CDC42SE2: variants seen among roughly 807,000 people sequenced by gnomAD.
CDC42SE2 encodes CDC42 small effector 2.
CDC42SE2 carries 3 observed loss-of-function variants against 11.5 expected under a neutral mutation model. That is an observed-to-expected ratio of 0.26 (90% CI 0.12 to 0.67). CDC42SE2 has a LOEUF of 0.67. Ranked by LOEUF, CDC42SE2 falls within the 30% of genes least tolerant of loss-of-function variation. CDC42SE2 has a pLI of 0.80. For missense variants in CDC42SE2, 82 were observed against 106.8 expected (o/e 0.77, Z 1.02); for synonymous variants, 33 against 34.8 (o/e 0.95, Z 0.18).
chr5:131,318,336 T>A (rs1184772749), intron 2 of CDC42SE2, among the ~76,000 whole-genome samples: 3 of 152,162 alleles, frequency 2.0e-5, no homozygotes, highest in Admixed American at 6.5e-5. Flanking sequence ...TACAGGAAAT[T>A]TAAATCATTA....
At chr5:131,337,174 T>G (rs1758589129) in intron 2 of CDC42SE2, among the ~76,000 whole-genome samples, 1 of 152,220 alleles carries the variant, frequency 6.6e-6, no homozygotes, top group South Asian at 2.1e-4. Context: ...GTTTGTTAGT[T>G]TTCCTTCTAA....
intron 2 of CDC42SE2, among the ~76,000 whole-genome samples, chr5:131,336,844 G>C (rs1758576541): frequency 6.6e-6 from 1 of 152,126 alleles, no homozygotes; most frequent in East Asian, 1.9e-4. Context: ...CGACTTCTCT[G>C]AGTTGATTAT....
At chr5:131,210,191 T>C in the CDC42SE2 span, among the ~76,000 whole-genome samples, 1 of 152,216 alleles carries the variant, frequency 6.6e-6, no homozygotes, top group Non-Finnish European at 1.5e-5. Flanking sequence ...CTTTTCTTTA[T>C]GAATTACCCA....
intron 3 of CDC42SE2, among the ~76,000 whole-genome samples, chr5:131,378,348 C>A (rs1256641963): frequency 6.6e-6 from 1 of 151,772 alleles, no homozygotes; most frequent in Non-Finnish European, 1.5e-5. Flanking sequence ...CCTTTTTTTC[C>A]ATACTGTGAA....
At chr5:131,346,198 A>G (rs1018887011) in intron 2 of CDC42SE2, among the ~76,000 whole-genome samples, 6 of 149,320 alleles carry the variant, frequency 4.0e-5, no homozygotes, top group African/African-American at 1.3e-4. Context: ...ATTAAAAGAC[A>G]CAGACTGGCA....
chr5:131,216,000 G>A, the CDC42SE2 span, among the ~76,000 whole-genome samples: 6 of 152,208 alleles, frequency 3.9e-5, no homozygotes, highest in East Asian at 7.7e-4. Flanking sequence ...TTATAAATTC[G>A]CTTTTCTGTT....
chr5:131,279,026 G>A lies in CDC42SE2; in HGVS notation c.-455+14860G>A, dbSNP rs146187290. On this transcript the variant is annotated intron_variant, in intron 1 of 4. Transcript: ENST00000505065. ...TCTTGAACTCCCAACCTCAAGTGATGCGCATGCCTCGATCTCCCAAAGCTC... is the reference window on the plus strand; with the variant it reads ...TCTTGAACTCCCAACCTCAAGTGATACGCATGCCTCGATCTCCCAAAGCTC... Among the ~76,000 whole-genome samples the A allele has an allele frequency of 2.1e-3, 321 of 151,514 alleles. 2 individuals are homozygous for A. The highest frequency in any genetic ancestry group is 6.2e-3 in the African/African-American group (255 of 41,300).
At chr5:131,273,665 A>G (rs1757040850) in intron 1 of CDC42SE2, among the ~76,000 whole-genome samples, 1 of 150,366 alleles carries the variant, frequency 6.7e-6, no homozygotes, top group South Asian at 2.1e-4. Context: ...CCCAGCGACT[A>G]GGGAGGCTGA....
At chr5:131,361,378 A>G (rs1458419516) in intron 3 of CDC42SE2, among the ~76,000 whole-genome samples, 2 of 152,070 alleles carry the variant, frequency 1.3e-5, no homozygotes, top group African/African-American at 4.8e-5. Flanking sequence ...TGAAACGGGA[A>G]AAGTTCCCTT....
intron 1 of CDC42SE2, among the ~76,000 whole-genome samples, chr5:131,314,455 G>A (rs763328065): frequency 3.7e-4 from 56 of 151,868 alleles, no homozygotes; most frequent in Admixed American, 6.6e-5. Context: ...TTCCCAGGCT[G>A]GTCTTAAAAT....
chr5:131,332,180 A>G (rs1297360269), intron 2 of CDC42SE2, among the ~76,000 whole-genome samples: 1 of 151,592 alleles, frequency 6.6e-6, no homozygotes, highest in Non-Finnish European at 1.5e-5. Flanking sequence ...ATGTGTTCTC[A>G]TTGTTCAATT....
intron 2 of CDC42SE2, among the ~76,000 whole-genome samples, chr5:131,316,988 T>C (rs981894660): frequency 1.3e-5 from 2 of 152,266 alleles, no homozygotes; most frequent in Non-Finnish European, 2.9e-5. Context: ...GGGGTATGTT[T>C]ATATTCCTAT....
At chr5:131,236,422 C>CTTA in the CDC42SE2 span, among the ~76,000 whole-genome samples, 1 of 151,732 alleles carries the variant, frequency 6.6e-6, no homozygotes, top group African/African-American at 2.4e-5. Flanking sequence ...GTTAAGTTTA[C>CTTA]TTATTATTAT....
chr5:131,244,479 G>A (rs998649415), upstream of CDC42SE2, among the ~76,000 whole-genome samples: 1 of 152,210 alleles, frequency 6.6e-6, no homozygotes, highest in Non-Finnish European at 1.5e-5. Context: ...GGGAAGCCAA[G>A]GTAGGTGGAT....
the CDC42SE2 span, among the ~76,000 whole-genome samples, chr5:131,238,799 A>C: frequency 6.6e-6 from 1 of 151,924 alleles, no homozygotes; most frequent in Admixed American, 6.6e-5. Context: ...TCAAAATCAA[A>C]ATTGTCTGTT....
intron 1 of CDC42SE2, among the ~76,000 whole-genome samples, chr5:131,291,258 T>C (rs1018965717): frequency 2.6e-5 from 4 of 152,172 alleles, no homozygotes; most frequent in African/African-American, 4.8e-5. Context: ...AAAGGACTTA[T>C]TCAGAATGGT....
chr5:131,244,922 G>T (rs1756568391), upstream of CDC42SE2, among the ~76,000 whole-genome samples: 1 of 151,972 alleles, frequency 6.6e-6, no homozygotes, highest in Non-Finnish European at 1.5e-5. Context: ...AATTACTGGG[G>T]GGAATCATGA....
intron 3 of CDC42SE2, among the ~76,000 whole-genome samples, chr5:131,363,122 G>A (rs1749758139): frequency 6.6e-6 from 1 of 151,432 alleles, no homozygotes; most frequent in Non-Finnish European, 1.5e-5. Context: ...CCAGCCTGGC[G>A]ACAGGGCAAG....
the CDC42SE2 span, among the ~76,000 whole-genome samples, chr5:131,232,155 C>T: frequency 6.6e-6 from 1 of 152,000 alleles, no homozygotes; most frequent in African/African-American, 2.4e-5. Flanking sequence ...CTCCAGTAGC[C>T]CAGGCTGGAG....
Sources: allele counts gnomAD v4.1 joint callset (sites outside exome capture counted in the v4.1 genomes callset), GRCh38; gene constraint gnomAD v4.1.1; transcripts MANE v1.5; gene names NCBI Gene and HGNC (gene_info 2026-07-23, HGNC 2026-07-21).